Variants in DOHH observed in about 807,000 individuals in gnomAD.
DOHH encodes deoxyhypusine hydroxylase, also known as HEAT-like (PBS lyase) repeat containing 1.
DOHH carries 16 observed loss-of-function variants against 19.9 expected under a neutral mutation model. The observed-to-expected ratio is 0.80, with a 90% CI of 0.54 to 1.22. The LOEUF (loss-of-function observed/expected upper bound fraction) is 1.22, where lower values mean the gene tolerates loss of function less well. DOHH is among the 50% of genes most tolerant of loss of function. The pLI is 0.00. For missense variants in DOHH, 460 were observed against 460.6 expected, an observed-to-expected ratio of 1.00 and a Z score of 0.01; for synonymous variants, 233 against 217.0, an observed-to-expected ratio of 1.07 and a Z score of -0.65.
In DOHH at chr19:3,496,721, G is replaced by C; in HGVS notation, c.94C>G (p.Arg32Gly). ...ATGGCGCCTGGGCCGCCGAGCCCAC[G>C]CAGCGTGAACAGCGCCCGGAAGCGG... The part of the protein sequence containing the change: ...QARFRALFTL[R>G]GLGGPGAIAW... Residue 32 changes from arginine to glycine, a missense_variant, in exon 2 of 5, where the codon CGT (arginine) becomes GGT (glycine). Arg to Gly is a moderately radical substitution (Grantham distance 125). Transcript: ENST00000427575. This position sits in a 1 kb window ranked among gnomAD's most constrained non-coding sequence, Gnocchi z 4.8. The C allele has an allele frequency of 6.2e-7, 1 of 1,613,192 alleles. No homozygotes were observed. Among genetic ancestry groups the C allele is most frequent in the South Asian group, 1.1e-5 (1 of 91,074 alleles).
chr19:3,492,598 T>A, intron 3 of DOHH, 99 bp from the exon 4 acceptor site: 1 of 986,194 alleles, frequency 1.0e-6, no homozygotes, highest in Non-Finnish European at 1.4e-6. Context: ...AGAGAGACAC[T>A]GGCAGGGTGA....
Position 3,491,594 on chromosome 19 carries a change from C to T in DOHH, c.807G>A (p.Val269=). The change falls in exon 5 of 5, where the codon GTG becomes GTA. Residue 269 remains valine, a synonymous_variant. Coordinates refer to ENST00000427575, the MANE Select transcript of DOHH (RefSeq NM_001145165.2). The surrounding 1 kb of genome is among the most constrained non-coding windows in gnomAD (Gnocchi z 5.6). ...QAHADDPERV[V]RESCEVALDM... ...CCAGAGCCACCTCGCAGCTCTCACG[C>T]ACCACGCGCTCTGGGTCGTCCGCGT... 6.5e-7 allele frequency: 1 copy of T among 1,535,938 alleles called. No homozygotes were observed. Among genetic ancestry groups the T allele is most frequent in the Non-Finnish European group, 8.7e-7 (1 of 1,146,604 alleles).
intron 3 of DOHH, among the ~76,000 whole-genome samples, chr19:3,492,773 C>T (rs947178507): frequency 6.6e-6 from 1 of 152,128 alleles, no homozygotes; most frequent in African/African-American, 2.4e-5. Context: ...GATGGGGAAG[C>T]AGCGGTGGAA....
At chr19:3,493,157 A>G (rs1425645666) in intron 3 of DOHH, among the ~76,000 whole-genome samples, 1 of 137,544 alleles carries the variant, frequency 7.3e-6, no homozygotes, top group Non-Finnish European at 1.5e-5. Flanking sequence ...CTCAGCCACA[A>G]AAAGGAATGA....
In DOHH at chr19:3,492,303, C is replaced by T; in HGVS notation, c.548G>A (p.Arg183His). ...FERYRAMFALRNAGGEEAALA... is the reference protein window; with the variant it reads ...FERYRAMFALHNAGGEEAALA... ...GGCGGCCTCCTCGCCTCCCGCGTTG[C>T]GCAGGGCGAACATGGCGCGGTATCG... Residue 183 changes from arginine to histidine, a missense_variant, in exon 4 of 5, where the codon CGC becomes CAC. Transcript: ENST00000427575. 4 of 1,527,214 alleles carry T rather than the reference C, an allele frequency of 2.6e-6. No homozygotes were observed. Among genetic ancestry groups the T allele is most frequent in the Non-Finnish European group, 2.6e-6 (3 of 1,146,170 alleles). 94.6% of individuals were successfully genotyped at this position (1,527,214 alleles called of 1,614,324 possible). A position where few individuals can be genotyped will look rare whatever the true frequency, so the allele number is the denominator to read the frequency against.
chr19:3,494,863 C>T (rs971516003), intron 2 of DOHH, among the ~76,000 whole-genome samples: 8 of 152,240 alleles, frequency 5.3e-5, no homozygotes, highest in Non-Finnish European at 8.8e-5. Context: ...ACCTCCCACG[C>T]GCTAATTGCA....
chr19:3,492,256 C>A lies in DOHH; in HGVS notation c.589+6G>T. The A allele has an allele frequency of 6.9e-7, 1 of 1,458,034 alleles. No homozygotes were observed. The highest frequency in any genetic ancestry group is 9.0e-7 in the Non-Finnish European group (1 of 1,115,378). 90.3% of individuals were successfully genotyped at this position (1,458,034 alleles called of 1,614,324 possible). A position where few individuals can be genotyped will look rare whatever the true frequency, so the allele number is the denominator to read the frequency against. ...CCAGGACCCCACCCCAGAAGCCCCT[C>A]CTCACCCTCGGCCAGCGCCAGGGCG... On this transcript the variant is annotated splice_donor_region_variant and intron_variant, in intron 4 of 4. Coordinates refer to ENST00000427575, the MANE Select transcript of DOHH (RefSeq NM_001145165.2).
chr19:3,496,693 G>A lies in DOHH; in HGVS notation c.122C>T (p.Ala41Val). ...GTCATCGAAGGCCTGGCTGATCCATGCAATGGCGCCTGGGCCGCCGAGCCC... is the reference window on the plus strand; with the variant it reads ...GTCATCGAAGGCCTGGCTGATCCATACAATGGCGCCTGGGCCGCCGAGCCC... ...LRGLGGPGAI[A>V]WISQAFDDDS... Residue 41 changes from alanine (A) to valine (V), a missense_variant, in exon 2 of 5, where the codon GCA (alanine) becomes GTA (valine). Transcript: ENST00000427575. The surrounding 1 kb of genome is among the most constrained non-coding windows in gnomAD (Gnocchi z 4.8). 1.2e-6 allele frequency: 2 copies of A among 1,613,764 alleles called. No individual in the cohort carries two copies. The highest frequency in any genetic ancestry group is 1.7e-6 in the Non-Finnish European group (2 of 1,179,968).
At chr19:3,492,540 G>C in intron 3 of DOHH, 41 bp from the exon 4 acceptor site, 1 of 1,337,040 alleles carries the variant, frequency 7.5e-7, no homozygotes, top group Non-Finnish European at 9.6e-7. Context: ...GGCCCTGGGG[G>C]GTCGCAGGGG....
chr19:3,491,330 G>T lies in DOHH; in HGVS notation c.*162C>A. ...GGACTCAGGGAGTCACAGCACAACG[G>T]CAGCTCCTCGGTCCCAGACGGAGGA... On this transcript the variant is annotated 3_prime_UTR_variant, in exon 5 of 5. Transcript: ENST00000427575. The surrounding 1 kb of genome is among the most constrained non-coding windows in gnomAD (Gnocchi z 5.6). 1 of 734,408 alleles carries T rather than the reference G, an allele frequency of 1.4e-6. No homozygotes were observed. The highest frequency in any genetic ancestry group is 2.2e-6 in the Non-Finnish European group (1 of 461,674). The allele number at this position is 734,408 out of a possible 1,614,324, so 45.5% of individuals were successfully genotyped here.
At chr19:3,494,481 T>C (rs1318940156) in intron 2 of DOHH, among the ~76,000 whole-genome samples, 2 of 152,086 alleles carry the variant, frequency 1.3e-5, no homozygotes, top group Non-Finnish European at 2.9e-5. Flanking sequence ...TACTCCAGCA[T>C]GGGCGACAGA....
At chr19:3,500,167 C>G (rs1351088333) in intron 1 of DOHH, among the ~76,000 whole-genome samples, 1 of 152,184 alleles carries the variant, frequency 6.6e-6, no homozygotes, top group Non-Finnish European at 1.5e-5. Context: ...CTATGGCATG[C>G]TGGCAGCCCT....
In DOHH at chr19:3,492,493, C is replaced by A; in HGVS notation, c.358G>T (p.Glu120Ter). The A allele has an allele frequency of 7.2e-7, 1 of 1,379,494 alleles. No individual in the cohort carries two copies. The allele number at this position is 1,379,494 out of a possible 1,614,324, so 85.5% of individuals were successfully genotyped here. Residue 120 changes from glutamate (E) to a stop codon, truncating the protein, a stop_gained, in exon 4 of 5, where the codon GAG (glutamate) becomes TAG (stop). Transcript: ENST00000427575. LOFTEE classifies it high-confidence loss of function. ...YSSDPVIEVA[E>*]TCQLAVRRLE... ...CTGCGCACGGCCAGCTGGCAGGTCT[C>A]GGCCACCTGCGGGGAGGGGGTATCA...
At position 3,496,519 on chromosome 19, in the gene DOHH, C is replaced by T. The variant is rs1322946663; in HGVS notation, c.274+22G>A. ...AGTGAGGCAGGAGGGAGCAGGTGCCCGGGACACAGACAGGTGCTCACCTGC... is the reference window on the plus strand; with the variant it reads ...AGTGAGGCAGGAGGGAGCAGGTGCCTGGGACACAGACAGGTGCTCACCTGC... On this transcript the variant is annotated intron_variant, in intron 2 of 4. Transcript: ENST00000427575. This position sits in a 1 kb window ranked among gnomAD's most constrained non-coding sequence, Gnocchi z 4.8. 13 of 1,596,224 alleles carry T rather than the reference C, an allele frequency of 8.1e-6. No homozygotes were observed. The highest frequency in any genetic ancestry group is 1.3e-5 in the African/African-American group (1 of 74,684).
At position 3,496,935 on chromosome 19, in the gene DOHH, C is replaced by G. The variant is rs78855967; in HGVS notation, c.-72-49G>C. On this transcript the variant is annotated intron_variant, in intron 1 of 4. Coordinates refer to ENST00000427575, the MANE Select transcript of DOHH (RefSeq NM_001145165.2). The surrounding 1 kb of genome is among the most constrained non-coding windows in gnomAD (Gnocchi z 4.8). ...AGGTTAGAAGCCCCCTTCACCAGTG[C>G]GTTGTCTGTTCCTAGGACCTGGGTG... 3.5e-3 allele frequency: 4,400 copies of G among 1,275,072 alleles called. 123 individuals are homozygous for G. In the African/African-American group the frequency reaches 0.06, roughly 17 times the overall value. 79.0% of individuals were successfully genotyped at this position (1,275,072 alleles called of 1,614,324 possible). A position where few individuals can be genotyped will look rare whatever the true frequency, so the allele number is the denominator to read the frequency against.
Position 3,496,550 on chromosome 19 carries a change from G to C in DOHH, c.265C>G (p.His89Asp), listed in dbSNP as rs1377608501. 2 of 1,610,892 alleles carry C rather than the reference G, an allele frequency of 1.2e-6. No homozygotes were observed. Among genetic ancestry groups the C allele is most frequent in the Non-Finnish European group, 1.7e-6 (2 of 1,178,438 alleles). The change falls in exon 2 of 5, where the codon CAT becomes GAT. Residue 89 changes from histidine to aspartate, a missense_variant. Physicochemically the swap from His to Asp is moderately conservative, Grantham distance 81. Transcript: ENST00000427575. The surrounding 1 kb of genome is among the most constrained non-coding windows in gnomAD (Gnocchi z 4.8). ...ACAGACAGGTGCTCACCTGCCTCATGGCGCACCATGGGCTCCTGACGGGTG... is the reference window on the plus strand; with the variant it reads ...ACAGACAGGTGCTCACCTGCCTCATCGCGCACCATGGGCTCCTGACGGGTG... The part of the protein sequence containing the change: ...QDTRQEPMVR[H>D]EAGEALGAIG...
At chr19:3,494,244 G>T in intron 2 of DOHH, 140 bp from the exon 3 acceptor site, 1 of 685,424 alleles carries the variant, frequency 1.5e-6, no homozygotes, top group Non-Finnish European at 2.5e-6. Context: ...GCTGATTGGA[G>T]CAGCAGTCGG....
At chr19:3,492,581 G>T in intron 3 of DOHH, 82 bp from the exon 4 acceptor site, 1 of 1,144,416 alleles carries the variant, frequency 8.7e-7, no homozygotes, top group Non-Finnish European at 1.1e-6. Context: ...TGGCAGCTTA[G>T]CAGGGGAGAG....
intron 1 of DOHH, among the ~76,000 whole-genome samples, chr19:3,497,910 C>A (rs1178944983): frequency 2.0e-5 from 3 of 152,188 alleles, no homozygotes; most frequent in Non-Finnish European, 2.9e-5. Context: ...GGATTACAGG[C>A]ATCAGCCACT....
Sources: allele counts gnomAD v4.1 joint callset (sites outside exome capture counted in the v4.1 genomes callset), GRCh38; gene constraint gnomAD v4.1.1; non-coding constraint Gnocchi (gnomAD v3.1); transcripts MANE v1.5; gene names NCBI Gene and HGNC (gene_info 2026-07-23, HGNC 2026-07-21).